Variants in DSCAM observed in about 807,000 individuals in gnomAD.
DSCAM encodes the protein cell adhesion molecule DSCAM.
DSCAM carries 47 observed loss-of-function variants against 217.7 expected under a neutral mutation model. The observed-to-expected ratio is 0.22, with a 90% CI of 0.17 to 0.28. The LOEUF (loss-of-function observed/expected upper bound fraction) is 0.28. Among genes scored for constraint, DSCAM ranks in the 10% least tolerant of loss-of-function variants. DSCAM has a pLI of 1.00. For synonymous variants in DSCAM, 1,056 were observed against 1,015.3 expected, an observed-to-expected ratio of 1.04 and a Z score of -0.76; for missense variants, 2,080 against 2,618.3, an observed-to-expected ratio of 0.79 and a Z score of 4.49.
At chr21:40,473,162 G>A (rs938600125) in intron 3 of DSCAM, among the ~76,000 whole-genome samples, 1 of 152,202 alleles carries the variant, frequency 6.6e-6, no homozygotes, top group Non-Finnish European at 1.5e-5. Flanking sequence ...TGCCAGCTAC[G>A]GCTAGGTAAC....
At chr21:40,489,754 G>T (rs868569077) in intron 3 of DSCAM, among the ~76,000 whole-genome samples, 1 of 115,592 alleles carries the variant, frequency 8.7e-6, no homozygotes. Flanking sequence ...CAGCCTGGGC[G>T]ACAGGGCGAG....
chr21:40,692,879 T>A lies in DSCAM; in HGVS notation c.439A>T (p.Ile147Phe). ...RGNVAVFKCI[I>F]PSSVEAYITV... Reference sequence around the variant, plus strand: ...ATGTACGCCTCCACCGAGGAGGGGATAATGCACTTGAAGACCGCAACATTG... The same window carrying A: ...ATGTACGCCTCCACCGAGGAGGGGAAAATGCACTTGAAGACCGCAACATTG... Residue 147 changes from isoleucine to phenylalanine, a missense_variant, in exon 3 of 33, where the codon ATC becomes TTC. This residue lies in a region of DSCAM where 568 missense variants were observed against 678.1 expected (regional missense o/e 0.84). Coordinates refer to ENST00000400454, the MANE Select transcript of DSCAM (RefSeq NM_001389.5). 6.2e-7 allele frequency: 1 copy of A among 1,613,948 alleles called. No individual in the cohort carries two copies. The highest frequency in any genetic ancestry group is 8.5e-7 in the Non-Finnish European group (1 of 1,179,908).
chr21:40,101,063 C>T (rs2089743994), intron 20 of DSCAM, among the ~76,000 whole-genome samples: 1 of 152,176 alleles, frequency 6.6e-6, no homozygotes, highest in South Asian at 2.1e-4. Context: ...TCCCATCCCC[C>T]ATGTCCCTGA....
chr21:40,473,867 C>T (rs1358629207), intron 3 of DSCAM, among the ~76,000 whole-genome samples: 1 of 151,830 alleles, frequency 6.6e-6, no homozygotes, highest in Non-Finnish European at 1.5e-5. Context: ...TGGAAGGAAC[C>T]ACCCTGCTGA....
At chr21:40,628,415 G>T (rs2089633341) in intron 3 of DSCAM, among the ~76,000 whole-genome samples, 1 of 152,118 alleles carries the variant, frequency 6.6e-6, no homozygotes, top group South Asian at 2.1e-4. Flanking sequence ...ATAACAGTAG[G>T]GTTGTCATCA....
chr21:40,309,945 G>C (rs913615594), intron 9 of DSCAM, among the ~76,000 whole-genome samples: 2 of 152,170 alleles, frequency 1.3e-5, no homozygotes, highest in African/African-American at 4.8e-5. Context: ...AAAGTCAACA[G>C]TGCCAACTCT....
At chr21:40,127,100 A>G (rs2090102050) in intron 19 of DSCAM, among the ~76,000 whole-genome samples, 1 of 152,196 alleles carries the variant, frequency 6.6e-6, no homozygotes, top group Non-Finnish European at 1.5e-5. Flanking sequence ...ATCTACAATA[A>G]TAACTGTGCT....
chr21:40,088,285 G>A (rs1266583001), intron 21 of DSCAM, among the ~76,000 whole-genome samples: 1 of 152,070 alleles, frequency 6.6e-6, no homozygotes, highest in African/African-American at 2.4e-5. Flanking sequence ...CATAAAAATG[G>A]GACAAATGTG....
chr21:40,094,677 T>C (rs2089654194), intron 20 of DSCAM, among the ~76,000 whole-genome samples: 2 of 152,288 alleles, frequency 1.3e-5, no homozygotes, highest in South Asian at 4.1e-4. Flanking sequence ...GCATTGGGTA[T>C]AGTGCATAAG....
At chr21:40,212,766 G>A (rs2091198351) in intron 11 of DSCAM, among the ~76,000 whole-genome samples, 1 of 152,188 alleles carries the variant, frequency 6.6e-6, no homozygotes, top group Admixed American at 6.5e-5. Context: ...TGGAAATACA[G>A]TCTTTGCAGA....
At chr21:40,556,902 T>C (rs1244268171) in intron 3 of DSCAM, among the ~76,000 whole-genome samples, 3 of 152,078 alleles carry the variant, frequency 2.0e-5, no homozygotes, top group Non-Finnish European at 1.5e-5. Context: ...ATCACAAAGT[T>C]CTCCATCCTC....
intron 3 of DSCAM, among the ~76,000 whole-genome samples, chr21:40,563,806 ATG>A (rs893049424): frequency 2.0e-5 from 3 of 147,898 alleles, no homozygotes; most frequent in African/African-American, 5.0e-5. Context: ...ATATAGTTAT[ATG>A]TGTATATATA....
chr21:40,531,570 A>C (rs1236206682), intron 3 of DSCAM, among the ~76,000 whole-genome samples: 1 of 152,204 alleles, frequency 6.6e-6, no homozygotes, highest in Non-Finnish European at 1.5e-5. Flanking sequence ...GCTCAGGGCA[A>C]GGGTGAAGGA....
At position 40,303,629 on chromosome 21, in the gene DSCAM, G is replaced by A. The variant is rs184375826; in HGVS notation, c.2063-7455C>T. On this transcript the variant is annotated intron_variant, in intron 9 of 32. Coordinates refer to ENST00000400454, the MANE Select transcript of DSCAM (RefSeq NM_001389.5). ...TTATTTTAATCACCATGGTATCCTC[G>A]GCACTCATAACAGCACCTATTATAA... Among the ~76,000 whole-genome samples the A allele has an allele frequency of 4.6e-3, 695 of 151,960 alleles. 2 individuals are homozygous for A. Among genetic ancestry groups the A allele is most frequent in the African/African-American group, 0.015 (641 of 41,406 alleles).
At chr21:40,599,764 T>C (rs937267999) in intron 3 of DSCAM, among the ~76,000 whole-genome samples, 4 of 151,952 alleles carry the variant, frequency 2.6e-5, no homozygotes, top group African/African-American at 9.7e-5. Flanking sequence ...TAAAACACGA[T>C]AAAGGGGATA....
chr21:40,817,464 T>A (rs960235599), intron 1 of DSCAM, among the ~76,000 whole-genome samples: 1 of 152,162 alleles, frequency 6.6e-6, no homozygotes, highest in Admixed American at 6.5e-5. Context: ...CAGGATGAAA[T>A]CCCCTGGAAG....
chr21:40,607,196 T>G (rs2089251586), intron 3 of DSCAM, among the ~76,000 whole-genome samples: 1 of 149,212 alleles, frequency 6.7e-6, no homozygotes, highest in Non-Finnish European at 1.5e-5. Flanking sequence ...TTCACACTCT[T>G]TTTTCAAAAA....
At chr21:40,280,753 GTACTGTGACAAA>G (rs924286266) in intron 10 of DSCAM, among the ~76,000 whole-genome samples, 5 of 152,184 alleles carry the variant, frequency 3.3e-5, no homozygotes, top group African/African-American at 4.8e-5. Flanking sequence ...CTGAGCACCT[GTACTGTGACAAA>G]TACTGGGTGA....
chr21:40,701,911 T>C (rs559930727), intron 2 of DSCAM, among the ~76,000 whole-genome samples: 12 of 152,296 alleles, frequency 7.9e-5, no homozygotes, highest in Admixed American at 5.9e-4. Context: ...TGTTGTTGGA[T>C]AGAATGTTCT....
Sources: allele counts gnomAD v4.1 joint callset (sites outside exome capture counted in the v4.1 genomes callset), GRCh38; gene constraint gnomAD v4.1.1; regional missense constraint gnomAD v4.1.1; transcripts MANE v1.5; gene names NCBI Gene and HGNC (gene_info 2026-07-23, HGNC 2026-07-21).